Variants in COG7 observed in about 807,000 individuals in gnomAD.
The protein encoded by COG7 is component of oligomeric golgi complex 7, also known as conserved oligomeric Golgi complex subunit 7.
COG7 carries 49 observed loss-of-function variants against 91.5 expected under a neutral mutation model. The ratio of observed to expected loss-of-function variants is 0.54; its 90% CI spans 0.43 to 0.68. The LOEUF (loss-of-function observed/expected upper bound fraction) is 0.68, where lower values mean the gene tolerates loss of function less well. COG7 is among the 30% of genes least tolerant of loss of function. COG7 has a pLI of 0.00. For missense variants in COG7, 895 were observed against 961.3 expected, an observed-to-expected ratio of 0.93 and a Z score of 0.91; for synonymous variants, 365 against 388.7, an observed-to-expected ratio of 0.94 and a Z score of 0.72.
At chr16:23,451,063 C>T (rs191573482) in intron 1 of COG7, among the ~76,000 whole-genome samples, 135 of 152,080 alleles carry the variant, frequency 8.9e-4, no homozygotes, top group African/African-American at 2.6e-3. Context: ...GGGTGGGGCA[C>T]GCACCTGTAA....
intron 1 of COG7, among the ~76,000 whole-genome samples, chr16:23,450,038 G>A (rs990713439): frequency 2.6e-5 from 4 of 151,998 alleles, no homozygotes; most frequent in East Asian, 1.9e-4. Flanking sequence ...GGGTTCAAGC[G>A]ATTCTCCTGC....
At chr16:23,433,789 G>C in intron 5 of COG7, 122 bp from the exon 6 acceptor site, 4 of 1,061,128 alleles carry the variant, frequency 3.8e-6, no homozygotes, top group Non-Finnish European at 2.8e-6. Flanking sequence ...GGGCAGCCCA[G>C]TGAGGTCCAT....
intron 1 of COG7, 48 bp downstream of exon 1, chr16:23,452,778 A>G (rs1396788672): frequency 2.5e-6 from 4 of 1,575,636 alleles, no homozygotes; most frequent in Non-Finnish European, 3.4e-6. Context: ...ACCTCTGCCC[A>G]GCCGAGAGCA....
At chr16:23,406,487 T>G (rs1287674768) in intron 11 of COG7, among the ~76,000 whole-genome samples, 1 of 152,194 alleles carries the variant, frequency 6.6e-6, no homozygotes, top group African/African-American at 2.4e-5. Context: ...CTGCTGAACA[T>G]TCACAGTGCC....
chr16:23,417,191 C>A, intron 8 of COG7, 70 bp from the exon 9 acceptor site: 1 of 1,506,206 alleles, frequency 6.6e-7, no homozygotes, highest in Non-Finnish European at 9.2e-7. Context: ...GGGAAGACCT[C>A]CAAGCCTTCT....
intron 9 of COG7, chr16:23,416,628 A>G: frequency 2.9e-6 from 1 of 347,654 alleles, no homozygotes; most frequent in East Asian, 7.4e-5. Context: ...TCACCGCACC[A>G]GGCCAAAGGT....
In COG7 at chr16:23,424,857, C is replaced by T. The variant is rs771367396; in HGVS notation, c.901G>A (p.Gly301Ser). Residue 301 changes from glycine (G) to serine (S), a missense_variant, in exon 7 of 17, where the codon GGC becomes AGC. Coordinates refer to ENST00000307149, the MANE Select transcript of COG7 (RefSeq NM_153603.4). ...MPSLPSCLSN[G>S]VERAGPEQEL... The stretch of plus-strand genomic sequence containing the variant: ...TGCTCGGGCCCTGCCCTCTCCACGC[C>T]GTTGCTGAGGCAGGAGGGCAGCGAG... 5.0e-6 allele frequency: 8 copies of T among 1,614,064 alleles called. No individual in the cohort carries two copies. Among genetic ancestry groups the T allele is most frequent in the Middle Eastern group, 1.6e-4 (1 of 6,084 alleles).
intron 6 of COG7, among the ~76,000 whole-genome samples, chr16:23,432,977 A>C (rs1963956817): frequency 6.6e-6 from 1 of 152,206 alleles, no homozygotes; most frequent in Non-Finnish European, 1.5e-5. Context: ...TTGTCACATT[A>C]GGTCCTATTT....
At chr16:23,439,106 C>T (rs1393705326) in intron 4 of COG7, among the ~76,000 whole-genome samples, 2 of 145,928 alleles carry the variant, frequency 1.4e-5, no homozygotes, top group African/African-American at 2.6e-5. Context: ...CACAGTGAGC[C>T]GAGATCATGC....
At chr16:23,447,210 ACT>A in intron 1 of COG7, 1 of 150,266 alleles carries the variant, frequency 6.7e-6, no homozygotes, top group Middle Eastern at 3.5e-3. Context: ...TTAAATTCAC[ACT>A]CTATTTATTT....
intron 13 of COG7, among the ~76,000 whole-genome samples, chr16:23,399,515 CA>C (rs1164762097): frequency 7.2e-5 from 11 of 152,122 alleles, no homozygotes; most frequent in African/African-American, 2.7e-4. Flanking sequence ...CTTGGGGAAG[CA>C]AGACCCCCTG....
At chr16:23,425,168 G>C (rs1473811174) in intron 6 of COG7, among the ~76,000 whole-genome samples, 1 of 152,070 alleles carries the variant, frequency 6.6e-6, no homozygotes, top group African/African-American at 2.4e-5. Flanking sequence ...AAATTAGCCG[G>C]GTGTGATGGC....
rs750178690 is a variant in COG7, at chr16:23,392,247, C to G, written c.2146+133G>C. ...GGGCCTGGAGAACCTGAATTTTCAA[C>G]CAGCTTCAGAGCCAAATCCACAGCT... On this transcript the variant is annotated intron_variant, in intron 16 of 16. Transcript: ENST00000307149. 4 of 1,527,828 alleles carry G rather than the reference C, an allele frequency of 2.6e-6. No individual in the cohort carries two copies. In the Admixed American group the frequency reaches 5.9e-5, roughly 22 times the overall value. The allele number at this position is 1,527,828 out of a possible 1,614,324, so 94.6% of individuals were successfully genotyped here.
chr16:23,443,851 A>G (rs931214420), intron 3 of COG7, among the ~76,000 whole-genome samples: 2 of 151,990 alleles, frequency 1.3e-5, no homozygotes, highest in East Asian at 2.0e-4. Context: ...GCTTGTCCGC[A>G]CAAGAAAAAT....
rs1440529285 is a variant in COG7 at position 23,389,059 on chromosome 16, A to G, written c.2174T>C (p.Leu725Pro). Reference sequence around the variant, plus strand: ...GAGGGTGCGGGACGGCTGCAGGCCCAGGGCATCCATCACGTTGATCAGATA... The same window carrying G: ...GAGGGTGCGGGACGGCTGCAGGCCCGGGGCATCCATCACGTTGATCAGATA... ...IDYLINVMDA[L>P]GLQPSRTLQH... The change falls in exon 17 of 17, where the codon CTG (leucine) becomes CCG (proline). Residue 725 changes from leucine (L) to proline (P), a missense_variant. Transcript: ENST00000307149. 2 of 1,614,048 alleles carry G rather than the reference A, an allele frequency of 1.2e-6. No homozygotes were observed. Among genetic ancestry groups the G allele is most frequent in the Admixed American group, 1.7e-5 (1 of 60,006 alleles).
intron 7 of COG7, among the ~76,000 whole-genome samples, chr16:23,420,615 T>G (rs1963739066): frequency 6.6e-6 from 1 of 152,224 alleles, no homozygotes; most frequent in Admixed American, 6.5e-5. Context: ...AGCTAAAGTC[T>G]GCTGCTCTTG....
In COG7 at chr16:23,434,716, G is replaced by C. The variant is rs1963987877; in HGVS notation, c.607C>G (p.Gln203Glu). The C allele has an allele frequency of 6.2e-6, 10 of 1,607,708 alleles. No individual in the cohort carries two copies. The highest frequency in any genetic ancestry group is 8.5e-6 in the Non-Finnish European group (10 of 1,174,266). The part of the protein sequence containing the change: ...VAAFTSQAVD[Q>E]SKVFVKVFTE... ...AACACCTTCACAAACACTTTGGACT[G>C]ATCTAAAGAACATACAATGTATATA... The change falls in exon 5 of 17, where the codon CAG becomes GAG. Residue 203 changes from glutamine to glutamate, a missense_variant and splice_region_variant. Transcript: ENST00000307149.
rs1416139305 is a variant in COG7 at position 23,406,223 on chromosome 16, G to A, written c.1515C>T (p.Cys505=). 1 of 1,614,150 alleles carries A rather than the reference G, an allele frequency of 6.2e-7. No individual in the cohort carries two copies. The highest frequency in any genetic ancestry group is 8.5e-7 in the Non-Finnish European group (1 of 1,180,016). ...GAAAACCAGCCAGGCTCCGGGGGCT[G>A]CAGGAATCAGATAGATACTTCCCAG... The part of the protein sequence containing the change: ...STAGKYLSDS[C]SPRSLAGFQE... Residue 505 remains cysteine, a synonymous_variant, in exon 12 of 17, where the codon TGC becomes TGT. Coordinates refer to ENST00000307149, the MANE Select transcript of COG7 (RefSeq NM_153603.4).
At chr16:23,397,043 G>A (rs576622509) in intron 14 of COG7, among the ~76,000 whole-genome samples, 3 of 152,072 alleles carry the variant, frequency 2.0e-5, no homozygotes, top group Admixed American at 6.5e-5. Flanking sequence ...CCAAGTAGCT[G>A]GGACCACAGG....
Sources: gnomAD v4.1 joint callset for allele counts (sites outside exome capture counted in the v4.1 genomes callset) on GRCh38, gnomAD v4.1.1 for gene constraint, MANE v1.5 for transcripts, NCBI Gene and HGNC (gene_info 2026-07-23, HGNC 2026-07-21) for gene names.